The following TMEM68 variants were observed in gnomAD, a reference collection of about 807,000 sequenced individuals.
TMEM68 encodes the protein DGAT1/2-independent enzyme synthesizing storage lipids.
TMEM68 carries 25 observed loss-of-function variants against 36.9 expected under a neutral mutation model. The ratio of observed to expected loss-of-function variants is 0.68; its 90% CI spans 0.49 to 0.95. TMEM68 has a LOEUF of 0.95. TMEM68 is among the 40% of genes least tolerant of loss of function. The pLI is 0.00. For synonymous variants in TMEM68, 131 were observed against 124.4 expected (o/e 1.05, Z -0.35); for missense variants, 333 against 392.0 (o/e 0.85, Z 1.27).
intron 3 of TMEM68, among the ~76,000 whole-genome samples, chr8:55,757,573 G>A (rs1392771228): frequency 6.6e-6 from 1 of 152,074 alleles, no homozygotes; most frequent in Non-Finnish European, 1.5e-5. Context: ...CAGGCGCTGG[G>A]AAAGGGGCAG....
At chr8:55,757,942 T>C (rs972729330) in intron 3 of TMEM68, among the ~76,000 whole-genome samples, 1 of 152,084 alleles carries the variant, frequency 6.6e-6, no homozygotes, top group East Asian at 1.9e-4. Context: ...CATAAGATTT[T>C]AGCTAAACCT....
chr8:55,739,466 T>C lies in TMEM68; in HGVS notation c.*666A>G, dbSNP rs1448594166. On this transcript the variant is annotated 3_prime_UTR_variant, in exon 8 of 8. Coordinates refer to ENST00000434581, the MANE Select transcript of TMEM68 (RefSeq NM_001286657.2). ...TTTAAAAAATAATACATCTTTTTCA[T>C]TGTGCTTGGCAACTGGACATGACAT... The C allele has an allele frequency of 1.4e-5, 2 of 140,158 alleles. No individual in the cohort carries two copies. Among genetic ancestry groups the C allele is most frequent in the African/African-American group, 5.4e-5 (2 of 36,724 alleles). 8.7% of individuals were successfully genotyped at this position (140,158 alleles called of 1,614,324 possible).
rs138223139 is a variant in TMEM68 at position 55,771,572 on chromosome 8, G to A, written c.-115+1697C>T. ...GTAGAGGTTGCTGTGAGCCGCGATCGCGCCACTACACTACAGCCTGGGTGA... is the reference window on the plus strand; with the variant it reads ...GTAGAGGTTGCTGTGAGCCGCGATCACGCCACTACACTACAGCCTGGGTGA... On this transcript the variant is annotated intron_variant, in intron 1 of 7. Transcript: ENST00000434581. Among the ~76,000 whole-genome samples, 854 of 152,146 alleles carry A rather than the reference G, an allele frequency of 5.6e-3. 2 individuals carry two copies. The highest frequency in any genetic ancestry group is 9.1e-3 in the Non-Finnish European group (621 of 68,008).
intron 6 of TMEM68, among the ~76,000 whole-genome samples, chr8:55,744,089 A>G (rs1810189911): frequency 6.6e-6 from 1 of 151,950 alleles, no homozygotes; most frequent in African/African-American, 2.4e-5. Flanking sequence ...ACAAATAAGT[A>G]ACTTAGATAA....
Position 55,755,632 on chromosome 8 carries a change from G to C in TMEM68, c.493+612C>G, listed in dbSNP as rs1343097346. On this transcript the variant is annotated intron_variant, in intron 4 of 7. Coordinates refer to ENST00000434581, the MANE Select transcript of TMEM68 (RefSeq NM_001286657.2). Reference sequence around the variant, plus strand: ...ACTAATTTTAATTTGCTATCAAACTGAGAGTTATCAAACTCTAATTATAAC... The same window carrying C: ...ACTAATTTTAATTTGCTATCAAACTCAGAGTTATCAAACTCTAATTATAAC... 2.7e-5 allele frequency among the ~76,000 whole-genome samples: 4 copies of C among 147,774 alleles called. No individual in the cohort carries two copies. In the South Asian group the frequency reaches 8.4e-4, roughly 31 times the overall value.
chr8:55,764,924 T>C (rs1394745872), intron 1 of TMEM68, among the ~76,000 whole-genome samples: 4 of 151,970 alleles, frequency 2.6e-5, no homozygotes, highest in African/African-American at 9.7e-5. Context: ...AATATAAAAT[T>C]AGCTGGGAGT....
At chr8:55,769,018 T>TAAAAAAAAAAAAA (rs200493179) in intron 1 of TMEM68, among the ~76,000 whole-genome samples, 40 of 82,072 alleles carry the variant, frequency 4.9e-4, no homozygotes, top group African/African-American at 1.7e-3. Flanking sequence ...ACTCTGTCTT[T>TAAAAAAAAAAAAA]AAAAAAAAAA....
At position 55,743,612 on chromosome 8, in the gene TMEM68, T is replaced by C. The variant is rs1250174101; in HGVS notation, c.757A>G (p.Arg253Gly). ...FRSLGGTRLFRWLYEKFRYPF... is the reference protein window; with the variant it reads ...FRSLGGTRLFGWLYEKFRYPF... Reference sequence around the variant, plus strand: ...TAGCGGAATTTTTCATAAAGCCACCTAAATAACCCTGTTTTAGAGTAAATA... The same window carrying C: ...TAGCGGAATTTTTCATAAAGCCACCCAAATAACCCTGTTTTAGAGTAAATA... The change falls in exon 7 of 8, where the codon AGG (arginine) becomes GGG (glycine). Residue 253 changes from arginine to glycine, a missense_variant. Coordinates refer to ENST00000434581, the MANE Select transcript of TMEM68 (RefSeq NM_001286657.2). The C allele has an allele frequency of 3.9e-6, 6 of 1,534,500 alleles. No homozygotes were observed. Among genetic ancestry groups the C allele is most frequent in the Non-Finnish European group, 5.2e-6 (6 of 1,146,264 alleles).
intron 4 of TMEM68, among the ~76,000 whole-genome samples, chr8:55,752,232 T>C (rs1036047414): frequency 1.3e-5 from 2 of 151,174 alleles, no homozygotes; most frequent in African/African-American, 2.4e-5. Flanking sequence ...AAAAACACTA[T>C]GCAGACCAAC....
At chr8:55,770,289 T>C (rs949037874) in intron 1 of TMEM68, among the ~76,000 whole-genome samples, 10 of 152,204 alleles carry the variant, frequency 6.6e-5, no homozygotes, top group African/African-American at 2.4e-4. Flanking sequence ...AAGATTGCAA[T>C]TTCTGTCTTC....
At chr8:55,759,835 T>C in intron 3 of TMEM68, among the ~76,000 whole-genome samples, 1 of 152,228 alleles carries the variant, frequency 6.6e-6, no homozygotes, top group Non-Finnish European at 1.5e-5. Context: ...GGGGAAAAAC[T>C]TTAATCACAG....
intron 3 of TMEM68, chr8:55,760,803 C>T (rs1055206816): frequency 6.6e-6 from 1 of 152,084 alleles, no homozygotes; most frequent in Non-Finnish European, 1.5e-5. Flanking sequence ...AATGATATTC[C>T]AAGATTTTGT....
chr8:55,754,233 C>T (rs527443838), intron 4 of TMEM68, among the ~76,000 whole-genome samples: 4 of 150,988 alleles, frequency 2.6e-5, no homozygotes, highest in Middle Eastern at 7.0e-3. Context: ...CAAGACCAAC[C>T]TGGACAACAT....
chr8:55,766,322 G>A (rs1474257320), intron 1 of TMEM68, among the ~76,000 whole-genome samples: 2 of 151,780 alleles, frequency 1.3e-5, no homozygotes, highest in African/African-American at 2.4e-5. Flanking sequence ...TGACAGGGAG[G>A]GCACTTGGAA....
At chr8:55,770,426 A>G (rs939005795) in intron 1 of TMEM68, among the ~76,000 whole-genome samples, 3 of 152,266 alleles carry the variant, frequency 2.0e-5, no homozygotes, top group African/African-American at 7.2e-5. Context: ...TGTGATTCCA[A>G]CAGTTTTCGA....
At chr8:55,760,342 G>C (rs1235507350) in intron 3 of TMEM68, among the ~76,000 whole-genome samples, 1 of 152,162 alleles carries the variant, frequency 6.6e-6, no homozygotes, top group Non-Finnish European at 1.5e-5. Context: ...CACCATTACA[G>C]ACCACAGCCT....
intron 4 of TMEM68, among the ~76,000 whole-genome samples, chr8:55,753,810 G>A (rs1357655025): frequency 5.9e-5 from 9 of 152,128 alleles, no homozygotes; most frequent in African/African-American, 2.2e-4. Flanking sequence ...ATATAAGGTC[G>A]GCTAGACGCA....
chr8:55,746,769 T>C (rs1810291997), intron 5 of TMEM68: 1 of 152,248 alleles, frequency 6.6e-6, no homozygotes, highest in South Asian at 2.1e-4. Flanking sequence ...TAAAACCTAC[T>C]ACTTCACATA....
chr8:55,754,285 T>C (rs1336603191), intron 4 of TMEM68, among the ~76,000 whole-genome samples: 3 of 150,750 alleles, frequency 2.0e-5, no homozygotes, highest in Non-Finnish European at 4.4e-5. Flanking sequence ...ATTAGCCAGG[T>C]GTGGTGGCGG....
Sources: gnomAD v4.1 joint callset for allele counts (sites outside exome capture counted in the v4.1 genomes callset) on GRCh38, gnomAD v4.1.1 for gene constraint, MANE v1.5 for transcripts, NCBI Gene and HGNC (gene_info 2026-07-23, HGNC 2026-07-21) for gene names.